The following N4BP2 variants were observed in gnomAD, a reference collection of about 807,000 sequenced individuals.
The protein encoded by N4BP2 is NEDD4 binding protein 2.
A neutral mutation model predicts 152.8 loss-of-function variants in N4BP2; 91 were observed. The observed-to-expected ratio is 0.60, with a 90% confidence interval of 0.50 to 0.71. N4BP2 has a LOEUF of 0.71. Among genes scored for constraint, N4BP2 ranks in the 30% least tolerant of loss-of-function variants. The pLI is 0.00. For synonymous variants in N4BP2, 646 were observed against 705.3 expected (o/e 0.92, Z 1.33); for missense variants, 1,923 against 2,059.1 (o/e 0.93, Z 1.28).
intron 2 of N4BP2, among the ~76,000 whole-genome samples, chr4:40,094,540 A>G (rs1714928764): frequency 6.6e-6 from 1 of 152,056 alleles, no homozygotes; most frequent in East Asian, 1.9e-4. Flanking sequence ...GGGTTGCTAT[A>G]TCTTTTTTAT....
intron 2 of N4BP2, among the ~76,000 whole-genome samples, chr4:40,084,586 C>A (rs1578983995): frequency 6.6e-6 from 1 of 150,570 alleles, no homozygotes; most frequent in African/African-American, 2.4e-5. Flanking sequence ...CAGGCATGCA[C>A]CTCCACGCCC....
At chr4:40,128,119 T>C (rs1417492951) in intron 12 of N4BP2, among the ~76,000 whole-genome samples, 1 of 152,244 alleles carries the variant, frequency 6.6e-6, no homozygotes, top group East Asian at 1.9e-4. Context: ...AGATTTCGTT[T>C]GGATTTCGTC....
the N4BP2 span, among the ~76,000 whole-genome samples, chr4:40,169,017 C>T: frequency 2.0e-5 from 3 of 151,874 alleles, no homozygotes; most frequent in South Asian, 4.2e-4. Flanking sequence ...TGAGCCACTG[C>T]GCCTGGCCAA....
the N4BP2 span, among the ~76,000 whole-genome samples, chr4:40,190,161 A>G: frequency 3.4e-4 from 52 of 152,270 alleles, 1 homozygote; most frequent in South Asian, 7.5e-3. Context: ...TTGTCTTCCT[A>G]ATACGTAGAT....
At chr4:40,100,603 C>T (rs1715554175) in intron 3 of N4BP2, among the ~76,000 whole-genome samples, 1 of 152,068 alleles carries the variant, frequency 6.6e-6, no homozygotes, top group African/African-American at 2.4e-5. Flanking sequence ...AACTCCTGGG[C>T]TCAAGCGATC....
chr4:40,141,922 C>T (rs543401900), intron 14 of N4BP2, among the ~76,000 whole-genome samples: 1 of 152,238 alleles, frequency 6.6e-6, no homozygotes, highest in Non-Finnish European at 1.5e-5. Context: ...CCCGTCTCCA[C>T]CAAAAAAATA....
In N4BP2 at chr4:40,147,516, G is replaced by A. The variant is rs1720671286; in HGVS notation, c.5143+2716G>A. On this transcript the variant is annotated intron_variant, in intron 16 of 17. Coordinates refer to ENST00000261435, the MANE Select transcript of N4BP2 (RefSeq NM_018177.6). ...GGGCAGAGGCGCCCCCCACCTCCCG[G>A]ACGGGGCGGCTGGCCGGGCAGAGGC... Among the ~76,000 whole-genome samples, 5 of 148,060 alleles carry A rather than the reference G, an allele frequency of 3.4e-5. No individual in the cohort carries two copies. The South Asian group carries it at 1.1e-3, about 31-fold the overall frequency.
At chr4:40,176,814 A>G in the N4BP2 span, among the ~76,000 whole-genome samples, 1 of 152,218 alleles carries the variant, frequency 6.6e-6, no homozygotes, top group Non-Finnish European at 1.5e-5. Flanking sequence ...TGTTTGCAGC[A>G]GGGAGGAACC....
At chr4:40,080,035 C>A (rs908967458) in intron 2 of N4BP2, among the ~76,000 whole-genome samples, 3 of 152,002 alleles carry the variant, frequency 2.0e-5, no homozygotes, top group African/African-American at 7.2e-5. Context: ...CCAGTCCATT[C>A]ACATTTCTCC....
At chr4:40,071,735 T>C (rs1265614839) in intron 1 of N4BP2, among the ~76,000 whole-genome samples, 1 of 151,922 alleles carries the variant, frequency 6.6e-6, no homozygotes, top group Non-Finnish European at 1.5e-5. Flanking sequence ...CCCAGCTAAT[T>C]ATGTATTTTT....
At position 40,154,706 on chromosome 4, in the gene N4BP2, T is replaced by C. The variant is rs1721455400; in HGVS notation, c.*469T>C. Reference sequence around the variant, plus strand: ...AAAAAAGGAGATCTAACAAAAACACTTGAATATTTTTTATTTTCAAAACTA... The same window carrying C: ...AAAAAAGGAGATCTAACAAAAACACCTGAATATTTTTTATTTTCAAAACTA... On this transcript the variant is annotated 3_prime_UTR_variant, in exon 18 of 18. Coordinates refer to ENST00000261435, the MANE Select transcript of N4BP2 (RefSeq NM_018177.6). 6.5e-6 allele frequency: 1 copy of C among 153,170 alleles called. No homozygotes were observed. Among genetic ancestry groups the C allele is most frequent in the Non-Finnish European group, 1.5e-5 (1 of 68,804 alleles). 9.5% of individuals were successfully genotyped at this position (153,170 alleles called of 1,614,324 possible).
At chr4:40,105,763 C>G (rs1377670504) in intron 4 of N4BP2, among the ~76,000 whole-genome samples, 1 of 152,036 alleles carries the variant, frequency 6.6e-6, no homozygotes, top group Non-Finnish European at 1.5e-5. Flanking sequence ...CTTGCCCAGG[C>G]TCATCTCAAA....
chr4:40,074,300 G>C (rs1312057135), intron 2 of N4BP2, among the ~76,000 whole-genome samples: 1 of 151,900 alleles, frequency 6.6e-6, no homozygotes, highest in Non-Finnish European at 1.5e-5. Flanking sequence ...ATATTGGTCA[G>C]GCTAGTCTCT....
Position 40,120,466 on chromosome 4 carries a change from A to G in N4BP2, c.2355A>G (p.Ser785=). 1 of 1,613,852 alleles carries G rather than the reference A, an allele frequency of 6.2e-7. No homozygotes were observed. The change falls in exon 9 of 18, where the codon TCA becomes TCG. Residue 785 remains serine (S), a synonymous_variant. Transcript: ENST00000261435. ...TLEKFPRHEL[S]NFVGDWPVDK... ...AAAAGTTCCCAAGACATGAGCTATC[A>G]AATTTTGTTGGTGACTGGCCAGTTG...
rs756530795 is a variant in N4BP2 at position 40,117,855 on chromosome 4, C to T, written c.1665-14C>T. 1.9e-6 allele frequency: 3 copies of T among 1,579,126 alleles called. No individual in the cohort carries two copies. Among genetic ancestry groups the T allele is most frequent in the African/African-American group, 1.4e-5 (1 of 72,804 alleles). On this transcript the variant is annotated splice_polypyrimidine_tract_variant and intron_variant, in intron 7 of 17. Transcript: ENST00000261435. ...CAATATTCCTTCAACCCTTTTTTCC[C>T]CTGGAATTTTCAGGCGTAACATTCA...
intron 1 of N4BP2, among the ~76,000 whole-genome samples, chr4:40,067,516 A>G (rs781101144): frequency 5.3e-5 from 8 of 151,096 alleles, no homozygotes; most frequent in African/African-American, 1.2e-4. Context: ...TCTCTTGGAG[A>G]TCCTGTTATT....
At position 40,068,591 on chromosome 4, in the gene N4BP2, C is replaced by T. The variant is rs139202801; in HGVS notation, c.-211-4864C>T. The stretch of plus-strand genomic sequence containing the variant: ...AGACTCTCCTTTTCCCATTGTGTGG[C>T]CTTGGTACCCTTGTTGAAGATCATT... On this transcript the variant is annotated intron_variant, in intron 1 of 17. Coordinates refer to ENST00000261435, the MANE Select transcript of N4BP2 (RefSeq NM_018177.6). 3.9e-4 allele frequency among the ~76,000 whole-genome samples: 60 copies of T among 152,214 alleles called. 1 individual carries two copies. The East Asian group carries it at 0.011, about 27-fold the overall frequency.
chr4:40,141,259 G>A (rs1320651235), intron 14 of N4BP2, among the ~76,000 whole-genome samples: 1 of 151,752 alleles, frequency 6.6e-6, no homozygotes, highest in Non-Finnish European at 1.5e-5. Flanking sequence ...CGGCTGGCCT[G>A]GCGGTGGGTG....
intron 14 of N4BP2, among the ~76,000 whole-genome samples, chr4:40,138,910 G>A (rs1017324624): frequency 6.6e-6 from 1 of 152,106 alleles, no homozygotes; most frequent in East Asian, 1.9e-4. Context: ...GGCTATTCTG[G>A]TGCCCTTGGA....
Sources: gnomAD v4.1 joint callset for allele counts (sites outside exome capture counted in the v4.1 genomes callset) on GRCh38, gnomAD v4.1.1 for gene constraint, MANE v1.5 for transcripts, NCBI Gene and HGNC (gene_info 2026-07-23, HGNC 2026-07-21) for gene names.